The following RCC1L variants were observed in gnomAD, a reference collection of about 807,000 sequenced individuals.
RCC1L encodes RCC1-like G exchanging factor-like protein.
A neutral mutation model predicts 58.6 loss-of-function variants in RCC1L; 46 were observed. That is an observed-to-expected ratio of 0.79 (90% CI 0.62 to 1.00). RCC1L has a LOEUF of 1.00. RCC1L is among the 50% of genes least tolerant of loss of function. The pLI, the probability that RCC1L is intolerant of heterozygous loss-of-function variation, is 0.00. For synonymous variants in RCC1L, 281 were observed against 262.9 expected (o/e 1.07, Z -0.67); for missense variants, 636 against 623.6 (o/e 1.02, Z -0.21).
intron 7 of RCC1L, 108 bp downstream of exon 7, chr7:75,058,480 C>G: frequency 7.0e-7 from 1 of 1,428,148 alleles, no homozygotes; most frequent in South Asian, 1.2e-5. Flanking sequence ...ATCTGCCTGT[C>G]TCGGCCTTCC....
chr7:75,029,677 C>T (rs1173170487), intron 10 of RCC1L, among the ~76,000 whole-genome samples: 4 of 152,214 alleles, frequency 2.6e-5, no homozygotes, highest in African/African-American at 7.2e-5. Flanking sequence ...CTGAGTGAAG[C>T]GCTTTGCATG....
Position 75,067,944 on chromosome 7 carries a change from G to A in RCC1L, c.455-1152C>T, listed in dbSNP as rs782387949. 1.3e-4 allele frequency among the ~76,000 whole-genome samples: 20 copies of A among 152,286 alleles called. 1 individual carries two copies. Among genetic ancestry groups the A allele is most frequent in the South Asian group, 6.2e-4 (3 of 4,822 alleles). The stretch of plus-strand genomic sequence containing the variant: ...GAAAACGAGACTGGCATGAGTTGAT[G>A]ATGCCTGAAGCTGGTGATGCCACAT... On this transcript the variant is annotated intron_variant, in intron 2 of 10. Transcript: ENST00000610322.
downstream of RCC1L, among the ~76,000 whole-genome samples, chr7:75,040,763 A>G (rs1313596074): frequency 6.6e-6 from 1 of 152,138 alleles, no homozygotes; most frequent in Non-Finnish European, 1.5e-5. Flanking sequence ...ACGGTTTTCA[A>G]TTTCTATTTC....
downstream of RCC1L, among the ~76,000 whole-genome samples, chr7:75,040,932 T>A (rs1805541456): frequency 6.6e-6 from 1 of 151,858 alleles, no homozygotes; most frequent in Non-Finnish European, 1.5e-5. Flanking sequence ...AAAGTGCAGC[T>A]CTAGGCCGGG....
intron 6 of RCC1L, among the ~76,000 whole-genome samples, chr7:75,059,194 AAAAAAAAAAG>A (rs1394997929): frequency 1.3e-5 from 2 of 150,896 alleles, no homozygotes; most frequent in East Asian, 1.9e-4. Context: ...TCTCAAAAAA[AAAAAAAAAAG>A]AAAAAAAAAG....
intron 3 of RCC1L, among the ~76,000 whole-genome samples, chr7:75,065,246 C>T (rs193259814): frequency 7.3e-5 from 11 of 151,592 alleles, no homozygotes; most frequent in Non-Finnish European, 1.6e-4. Context: ...TCCTACAGAG[C>T]ACACTCAGCC....
chr7:75,058,685 T>C lies in RCC1L; in HGVS notation c.872A>G (p.Tyr291Cys), dbSNP rs1300411009. The part of the protein sequence containing the change: ...AGVNVIQVAT[Y>C]GDCCLAVSAD... ...GGACACGGCCAGGCAGCAATCACCG[T>C]AGGTGGCAACTTGGATAACGTTCAC... Residue 291 changes from tyrosine to cysteine, a missense_variant, in exon 7 of 11, where the codon TAC becomes TGC. Tyr to Cys is a radical substitution (Grantham distance 194, BLOSUM62 -2). Coordinates refer to ENST00000610322, the MANE Select transcript of RCC1L (RefSeq NM_030798.5). 9 of 1,613,820 alleles carry C rather than the reference T, an allele frequency of 5.6e-6. No homozygotes were observed. The highest frequency in any genetic ancestry group is 5.3e-5 in the African/African-American group (4 of 74,920).
At chr7:75,064,272 G>C (rs1311423193) in intron 4 of RCC1L, among the ~76,000 whole-genome samples, 1 of 151,258 alleles carries the variant, frequency 6.6e-6, no homozygotes, top group African/African-American at 2.4e-5. Flanking sequence ...AGAGGTTGCA[G>C]TGAGCCGAGA....
At chr7:75,047,913 G>A in intron 10 of RCC1L, among the ~76,000 whole-genome samples, 1 of 145,932 alleles carries the variant, frequency 6.9e-6, no homozygotes, top group Non-Finnish European at 1.5e-5. Flanking sequence ...CCAAAGTGCT[G>A]GGATTATAGA....
At chr7:75,064,703 T>C (rs1287771659) in intron 3 of RCC1L, 55 bp from the exon 4 acceptor site, 1 of 1,592,792 alleles carries the variant, frequency 6.3e-7, no homozygotes, top group Non-Finnish European at 8.6e-7. Context: ...GATCCTAGAA[T>C]GTGAGGACTG....
chr7:75,070,634 G>A lies in RCC1L; in HGVS notation c.454+6C>T, dbSNP rs782488735. ...GGCAAAGAGGAGACAAGGTAGGGAT[G>A]CTCACTTTTATCTTTCCGGCTCCTG... On this transcript the variant is annotated splice_donor_region_variant and intron_variant, in intron 2 of 10. Coordinates refer to ENST00000610322, the MANE Select transcript of RCC1L (RefSeq NM_030798.5). 77 of 1,613,552 alleles carry A rather than the reference G, an allele frequency of 4.8e-5. No homozygotes were observed. The highest frequency in any genetic ancestry group is 6.4e-5 in the Non-Finnish European group (75 of 1,179,806).
chr7:75,038,519 C>T (rs1213182851), downstream of RCC1L, among the ~76,000 whole-genome samples: 4 of 149,590 alleles, frequency 2.7e-5, no homozygotes, highest in South Asian at 4.2e-4. Context: ...CTGCAACCTC[C>T]GCTTCCCGCC....
intron 5 of RCC1L, 84 bp from the exon 6 acceptor site, chr7:75,061,375 G>A (rs1489231664): frequency 8.4e-7 from 1 of 1,187,592 alleles, no homozygotes; most frequent in Admixed American, 1.7e-5. Flanking sequence ...CAGCACCATC[G>A]CCTGCCGCTC....
intron 6 of RCC1L, 82 bp from the exon 7 acceptor site, chr7:75,058,851 G>T: frequency 6.6e-7 from 1 of 1,503,924 alleles, no homozygotes; most frequent in Non-Finnish European, 9.1e-7. Context: ...GCCAAGTGCA[G>T]TTTTAAGCAC....
intron 10 of RCC1L, among the ~76,000 whole-genome samples, chr7:75,048,470 G>A (rs1320234100): frequency 6.6e-6 from 1 of 152,218 alleles, no homozygotes. Flanking sequence ...CTCAGGGGCC[G>A]TGAGACCTGG....
chr7:75,071,186 G>A (rs1554446036), intron 1 of RCC1L, among the ~76,000 whole-genome samples: 1 of 152,118 alleles, frequency 6.6e-6, no homozygotes, highest in East Asian at 1.9e-4. Flanking sequence ...ACAGCAACTA[G>A]CATTTATTGA....
chr7:75,046,406 G>T, intron 10 of RCC1L, among the ~76,000 whole-genome samples: 1 of 152,178 alleles, frequency 6.6e-6, no homozygotes, highest in Non-Finnish European at 1.5e-5. Flanking sequence ...GCTTCCTCAC[G>T]GCTGCACTTA....
chr7:75,052,680 C>G, intron 10 of RCC1L, 31 bp downstream of exon 10: 1 of 1,588,952 alleles, frequency 6.3e-7, no homozygotes, highest in Non-Finnish European at 8.6e-7. Context: ...CTCTTAGCAT[C>G]CATTCTCAAG....
intron 10 of RCC1L, among the ~76,000 whole-genome samples, chr7:75,028,483 T>C (rs1182192706): frequency 6.6e-6 from 1 of 151,990 alleles, no homozygotes; most frequent in Non-Finnish European, 1.5e-5. Context: ...CTGGAGTGTG[T>C]GTCTTGGCCC....
Sources: gnomAD v4.1 joint callset for allele counts (sites outside exome capture counted in the v4.1 genomes callset) on GRCh38, gnomAD v4.1.1 for gene constraint, MANE v1.5 for transcripts, NCBI Gene and HGNC (gene_info 2026-07-23, HGNC 2026-07-21) for gene names.